SYT4: variants seen among roughly 807,000 people sequenced by gnomAD.
SYT4 encodes synaptotagmin-4.
SYT4 carries 7 observed loss-of-function variants against 32.9 expected under a neutral mutation model. That is an observed-to-expected ratio of 0.21 (90% CI 0.12 to 0.40). SYT4 has a LOEUF of 0.40. Among genes scored for constraint, SYT4 ranks in the 10% least tolerant of loss-of-function variants. The pLI is 1.00. For missense variants in SYT4, 480 were observed against 488.0 expected, an observed-to-expected ratio of 0.98 and a Z score of 0.16; for synonymous variants, 205 against 186.2, an observed-to-expected ratio of 1.10 and a Z score of -0.82.
At position 43,269,240 on chromosome 18, in the gene SYT4, G is replaced by A. The variant is rs997259606; in HGVS notation, c.*1101C>T. ...TTGACAGCCTAAGCATATTTTGCGT[G>A]AACATATGTAAATTATATTAGAATT... On this transcript the variant is annotated 3_prime_UTR_variant, in exon 4 of 4. Coordinates refer to ENST00000255224, the MANE Select transcript of SYT4 (RefSeq NM_020783.4). The A allele has an allele frequency of 6.6e-6, 1 of 152,166 alleles. No homozygotes were observed. Among genetic ancestry groups the A allele is most frequent in the South Asian group, 2.1e-4 (1 of 4,824 alleles). The allele number at this position is 152,166 out of a possible 1,614,324, so 9.4% of individuals were successfully genotyped here.
rs776703340 is a variant in SYT4, at chr18:43,274,387, G to T, written c.42C>A (p.Ile14=). 2 of 1,580,232 alleles carry T rather than the reference G, an allele frequency of 1.3e-6. No individual in the cohort carries two copies. The highest frequency in any genetic ancestry group is 1.2e-5 in the South Asian group (1 of 86,242). ...ITTSREEFDE[I]PTVVGIFSAF... ...CACTGAAGATCCCCACCACTGTGGG[G>T]ATTTCATCTGAAAAATCAAATGACC... The change falls in exon 2 of 4, where the codon ATC becomes ATA. Residue 14 remains isoleucine, a synonymous_variant. Coordinates refer to ENST00000255224, the MANE Select transcript of SYT4 (RefSeq NM_020783.4).
chr18:43,270,682 T>TAA, intron 3 of SYT4, 34 bp from the exon 4 acceptor site: 1 of 1,604,116 alleles, frequency 6.2e-7, no homozygotes, highest in South Asian at 1.1e-5. Flanking sequence ...TACAATGGCA[T>TAA]AACTGGGCTG....
At chr18:43,270,835 G>C (rs1254212033) in intron 3 of SYT4, among the ~76,000 whole-genome samples, 187 bp from the exon 4 acceptor site, 2 of 151,582 alleles carry the variant, frequency 1.3e-5, no homozygotes, top group Admixed American at 6.6e-5. Flanking sequence ...AAATAAGGAA[G>C]AATATGGAAA....
At chr18:43,276,347 A>G (rs1908793179) in intron 1 of SYT4, among the ~76,000 whole-genome samples, 1 of 152,224 alleles carries the variant, frequency 6.6e-6, no homozygotes, top group African/African-American at 2.4e-5. Context: ...CTTAATAACA[A>G]TTATCACACA....
At chr18:43,275,797 G>A (rs1189879783) in intron 1 of SYT4, among the ~76,000 whole-genome samples, 1 of 151,964 alleles carries the variant, frequency 6.6e-6, no homozygotes, top group Non-Finnish European at 1.5e-5. Flanking sequence ...GTGGAAAAAA[G>A]AAACAGTGAC....
Position 43,277,239 on chromosome 18 carries a change from C to A in SYT4, c.34+9G>T, listed in dbSNP as rs374533589. 1 of 1,614,000 alleles carries A rather than the reference C, an allele frequency of 6.2e-7. No individual in the cohort carries two copies. Among genetic ancestry groups the A allele is most frequent in the East Asian group, 2.2e-5 (1 of 44,832 alleles). On this transcript the variant is annotated intron_variant, in intron 1 of 3. Transcript: ENST00000255224. ...ATAACCGCAGTCATAAGTTCAGTAA[C>A]TTGCTTACCAAATTCTTCCCGGCTG...
In SYT4 at chr18:43,270,777, C is replaced by T. The variant is rs1407641223; in HGVS notation, c.971-129G>A. 80 of 922,008 alleles carry T rather than the reference C, an allele frequency of 8.7e-5. No homozygotes were observed. The East Asian group carries it at 2.1e-3, about 24-fold the overall frequency. The allele number at this position is 922,008 out of a possible 1,614,324, so 57.1% of individuals were successfully genotyped here. Reference sequence around the variant, plus strand: ...TTACCAGGAAAATAAGTCAAAACAACAGAAAAATATGGATAAAACTTGGCA... The same window carrying T: ...TTACCAGGAAAATAAGTCAAAACAATAGAAAAATATGGATAAAACTTGGCA... On this transcript the variant is annotated intron_variant, in intron 3 of 3. Coordinates refer to ENST00000255224, the MANE Select transcript of SYT4 (RefSeq NM_020783.4).
chr18:43,271,797 G>C lies in SYT4; in HGVS notation c.885C>G (p.Leu295=), dbSNP rs1393717860. ...SSGRGELLIS[L]CYQSTTNTLT... Reference sequence around the variant, plus strand: ...GAGTGTTTGTGGTGGACTGATAGCAGAGAGAGATCAGTAACTCACCCCGTC... The same window carrying C: ...GAGTGTTTGTGGTGGACTGATAGCACAGAGAGATCAGTAACTCACCCCGTC... The change falls in exon 3 of 4, where the codon CTC becomes CTG. Residue 295 remains leucine, a synonymous_variant. Coordinates refer to ENST00000255224, the MANE Select transcript of SYT4 (RefSeq NM_020783.4). 1 of 1,612,996 alleles carries C rather than the reference G, an allele frequency of 6.2e-7. No homozygotes were observed. The highest frequency in any genetic ancestry group is 2.2e-5 in the East Asian group (1 of 44,824).
Position 43,270,636 on chromosome 18 carries a change from T to C in SYT4, c.983A>G (p.Lys328Arg). Reference protein sequence around the residue: ...DVSGLSDPYVKVNLYHAKKRI... With the variant: ...DVSGLSDPYVRVNLYHAKKRI... ...CTTTTTGGCATGGTACAGGTTCACTTTGACATAGGGATCTGCAGTGGAACA... is the reference window on the plus strand; with the variant it reads ...CTTTTTGGCATGGTACAGGTTCACTCTGACATAGGGATCTGCAGTGGAACA... The change falls in exon 4 of 4, where the codon AAA becomes AGA. Residue 328 changes from lysine to arginine, a missense_variant. By Grantham distance (26) the Lys-to-Arg change is conservative (BLOSUM62 2). Transcript: ENST00000255224. 1 of 1,613,726 alleles carries C rather than the reference T, an allele frequency of 6.2e-7. No homozygotes were observed. The highest frequency in any genetic ancestry group is 1.1e-5 in the South Asian group (1 of 91,068).
In SYT4 at chr18:43,273,648, G is replaced by C. The variant is rs750239570; in HGVS notation, c.781C>G (p.Leu261Val). The C allele has an allele frequency of 1.9e-6, 3 of 1,613,598 alleles. No homozygotes were observed. The South Asian group carries it at 3.3e-5, about 18-fold the overall frequency. The part of the protein sequence containing the change: ...DDIIGEVLIP[L>V]SGIELSEGKM... ...CCTTCAGATAATTCAATTCCCGAGA[G>C]AGGAATTAGAACTTCCCCAATGATA... is the stretch of plus-strand genomic sequence containing the variant. The change falls in exon 2 of 4, where the codon CTC becomes GTC. Residue 261 changes from leucine to valine, a missense_variant. By Grantham distance (32) the Leu-to-Val change is conservative. Coordinates refer to ENST00000255224, the MANE Select transcript of SYT4 (RefSeq NM_020783.4).
chr18:43,276,101 G>T (rs1287904867), intron 1 of SYT4, among the ~76,000 whole-genome samples: 1 of 152,056 alleles, frequency 6.6e-6, no homozygotes, highest in African/African-American at 2.4e-5. Flanking sequence ...AAATCATTCA[G>T]GTTTCAAATG....
In SYT4 at chr18:43,270,281, A is replaced by G. The variant is rs1397364044; in HGVS notation, c.*60T>C. 4 of 1,551,146 alleles carry G rather than the reference A, an allele frequency of 2.6e-6. No homozygotes were observed. The highest frequency in any genetic ancestry group is 2.6e-6 in the Non-Finnish European group (3 of 1,146,026). The stretch of plus-strand genomic sequence containing the variant: ...CCCAAGCTTGCAATCCAATATAGAA[A>G]GAAAGAAAATTTCTCCTTGCCTAGT... On this transcript the variant is annotated 3_prime_UTR_variant, in exon 4 of 4. Coordinates refer to ENST00000255224, the MANE Select transcript of SYT4 (RefSeq NM_020783.4).
In SYT4 at chr18:43,271,842, G is replaced by T; in HGVS notation, c.850-10C>A. ...CCCGTCCTGAAGACTTCTGCAGAAAGAGAAATGTGATATAAGTATTTCTAT... is the reference window on the plus strand; with the variant it reads ...CCCGTCCTGAAGACTTCTGCAGAAATAGAAATGTGATATAAGTATTTCTAT... On this transcript the variant is annotated splice_polypyrimidine_tract_variant and intron_variant, in intron 2 of 3. Transcript: ENST00000255224. 6.2e-7 allele frequency: 1 copy of T among 1,609,572 alleles called. No individual in the cohort carries two copies. The highest frequency in any genetic ancestry group is 8.5e-7 in the Non-Finnish European group (1 of 1,177,344).
rs985040552 is a variant in SYT4, at chr18:43,272,512, A to G, written c.850-680T>C. On this transcript the variant is annotated intron_variant, in intron 2 of 3. Coordinates refer to ENST00000255224, the MANE Select transcript of SYT4 (RefSeq NM_020783.4). Reference sequence around the variant, plus strand: ...TGCGTGCTACTTAGATTTCATTTGTACTTTAAAGACAATAGATAAGATATA... The same window carrying G: ...TGCGTGCTACTTAGATTTCATTTGTGCTTTAAAGACAATAGATAAGATATA... Among the ~76,000 whole-genome samples the G allele has an allele frequency of 9.9e-5, 15 of 152,272 alleles. No individual in the cohort carries two copies. The South Asian group carries it at 1.7e-3, about 17-fold the overall frequency.
In SYT4 at chr18:43,270,085, C is replaced by A; in HGVS notation, c.*256G>T. 1 of 459,402 alleles carries A rather than the reference C, an allele frequency of 2.2e-6. No homozygotes were observed. The highest frequency in any genetic ancestry group is 3.9e-6 in the Non-Finnish European group (1 of 258,272). 28.5% of individuals were successfully genotyped at this position (459,402 alleles called of 1,614,324 possible). A position where few individuals can be genotyped will look rare whatever the true frequency, so the allele number is the denominator to read the frequency against. ...GTATTCATAAAATGTCTGACTATTC[C>A]TAGTTATATCACTGGTAATCTGAAG... On this transcript the variant is annotated 3_prime_UTR_variant, in exon 4 of 4. Coordinates refer to ENST00000255224, the MANE Select transcript of SYT4 (RefSeq NM_020783.4).
Position 43,273,897 on chromosome 18 carries a change from G to A in SYT4, c.532C>T (p.Arg178Cys), listed in dbSNP as rs754098951. ...KAFVVNIKEA[R>C]GLPAMDEQSM... is the part of the protein sequence containing the mutation. ...TGCTCATCCATGGCTGGCAAGCCAC[G>A]GGCTTCCTTGATATTGACCACAAAT... Residue 178 changes from arginine to cysteine, a missense_variant, in exon 2 of 4, where the codon CGT (arginine) becomes TGT (cysteine). Arg to Cys is a radical substitution (Grantham distance 180). Coordinates refer to ENST00000255224, the MANE Select transcript of SYT4 (RefSeq NM_020783.4). The A allele has an allele frequency of 4.3e-6, 7 of 1,613,968 alleles. No homozygotes were observed. The highest frequency in any genetic ancestry group is 2.2e-5 in the East Asian group (1 of 44,848).
chr18:43,271,671 C>T (rs747946574), intron 3 of SYT4, 41 bp downstream of exon 3: 39 of 1,608,240 alleles, frequency 2.4e-5, no homozygotes, highest in Non-Finnish European at 3.1e-5. Flanking sequence ...AAATACATTC[C>T]AATCATACAG....
In SYT4 at chr18:43,270,081, A is replaced by G. The variant is rs1435010946; in HGVS notation, c.*260T>C. 2.2e-6 allele frequency: 1 copy of G among 452,608 alleles called. No homozygotes were observed. The highest frequency in any genetic ancestry group is 2.0e-5 in the African/African-American group (1 of 51,220). The allele number at this position is 452,608 out of a possible 1,614,324, so 28.0% of individuals were successfully genotyped here. ...CACAGTATTCATAAAATGTCTGACTATTCCTAGTTATATCACTGGTAATCT... is the reference window on the plus strand; with the variant it reads ...CACAGTATTCATAAAATGTCTGACTGTTCCTAGTTATATCACTGGTAATCT... On this transcript the variant is annotated 3_prime_UTR_variant, in exon 4 of 4. Coordinates refer to ENST00000255224, the MANE Select transcript of SYT4 (RefSeq NM_020783.4).
At chr18:43,276,805 C>G (rs983165400) in intron 1 of SYT4, among the ~76,000 whole-genome samples, 6 of 152,082 alleles carry the variant, frequency 3.9e-5, no homozygotes, top group Non-Finnish European at 7.4e-5. Flanking sequence ...ATATACATTG[C>G]CAAACCCCAA....
Sources: gnomAD v4.1 joint callset for allele counts (sites outside exome capture counted in the v4.1 genomes callset) on GRCh38, gnomAD v4.1.1 for gene constraint, MANE v1.5 for transcripts, NCBI Gene and HGNC (gene_info 2026-07-23, HGNC 2026-07-21) for gene names.